PPP2R3C: variants seen among roughly 807,000 people sequenced by gnomAD.
PPP2R3C encodes the protein protein phosphatase 2 regulatory subunit B''gamma, also known as serine/threonine-protein phosphatase 2A regulatory subunit B'' subunit gamma.
Under a neutral mutation model 63.7 loss-of-function variants are expected in PPP2R3C, and 47 were observed. The observed-to-expected ratio is 0.74, with a 90% CI of 0.58 to 0.94. The LOEUF (loss-of-function observed/expected upper bound fraction) is 0.94. Among genes scored for constraint, PPP2R3C ranks in the 40% least tolerant of loss-of-function variants. The probability of loss-of-function intolerance (pLI) is 0.00; values close to 1 mark genes in which losing one functional copy is unlikely to be tolerated. For missense variants in PPP2R3C, 421 were observed against 518.4 expected (o/e 0.81, Z 1.82); for synonymous variants, 180 against 177.4 (o/e 1.01, Z -0.12).
intron 11 of PPP2R3C, among the ~76,000 whole-genome samples, chr14:35,089,815 G>A (rs541436979): frequency 9.0e-4 from 136 of 150,616 alleles, no homozygotes; most frequent in Admixed American, 1.3e-3. Context: ...ATAGGCGCCC[G>A]CCACCACGCC....
Position 35,085,668 on chromosome 14 carries a change from A to G in PPP2R3C, c.1284T>C (p.Asn428=), listed in dbSNP as rs1452365822. The change falls in exon 13 of 13, where the codon AAT becomes AAC. Residue 428 remains asparagine (N), a synonymous_variant. Transcript: ENST00000261475. ...DTVTTILIDL[N]GFWTYENREA... is the part of the protein sequence containing the mutation. ...CTCTGTTCTCGTAAGTCCAGAAGCCATTCAAATCGATTAGAATGGTGGTTA... is the reference window on the plus strand; with the variant it reads ...CTCTGTTCTCGTAAGTCCAGAAGCCGTTCAAATCGATTAGAATGGTGGTTA... The G allele has an allele frequency of 6.2e-7, 1 of 1,613,790 alleles. No homozygotes were observed. Among genetic ancestry groups the G allele is most frequent in the South Asian group, 1.1e-5 (1 of 91,072 alleles).
At chr14:35,092,202 G>C (rs937482072) in intron 10 of PPP2R3C, among the ~76,000 whole-genome samples, 141 of 152,188 alleles carry the variant, frequency 9.3e-4, no homozygotes, top group African/African-American at 3.3e-3. Flanking sequence ...CGAGGCAGCT[G>C]AGACTACAGG....
chr14:35,097,724 TTCA>T (rs2046044131), intron 7 of PPP2R3C, among the ~76,000 whole-genome samples: 1 of 152,150 alleles, frequency 6.6e-6, no homozygotes, highest in African/African-American at 2.4e-5. Flanking sequence ...CCTCAGATGA[TTCA>T]CCCATCTTAG....
chr14:35,087,667 TG>T (rs1478738894), intron 12 of PPP2R3C: 9 of 337,150 alleles, frequency 2.7e-5, no homozygotes, highest in African/African-American at 1.7e-4. Context: ...CCCAACGTGC[TG>T]GGATTACAAG....
At chr14:35,095,307 G>C (rs1039006485) in intron 9 of PPP2R3C, 123 bp from the exon 10 acceptor site, 1 of 965,694 alleles carries the variant, frequency 1.0e-6, no homozygotes, top group Non-Finnish European at 1.5e-6. Flanking sequence ...GTTATGATTA[G>C]GGTAGTGGCC....
At chr14:35,110,254 C>A in intron 3 of PPP2R3C, 1 of 449,194 alleles carries the variant, frequency 2.2e-6, no homozygotes, top group Non-Finnish European at 4.0e-6. Flanking sequence ...ATTTGAACCT[C>A]TGTAGTCTGA....
chr14:35,114,278 T>C (rs1566426179), intron 2 of PPP2R3C, among the ~76,000 whole-genome samples: 1 of 152,198 alleles, frequency 6.6e-6, no homozygotes. Flanking sequence ...GAGATCAACT[T>C]GTTTAGCCAT....
chr14:35,105,577 T>C (rs1297464141), intron 6 of PPP2R3C, among the ~76,000 whole-genome samples: 1 of 151,980 alleles, frequency 6.6e-6, no homozygotes, highest in Non-Finnish European at 1.5e-5. Context: ...ACACATGTCA[T>C]TTGTTAAAAA....
intron 7 of PPP2R3C, 99 bp from the exon 8 acceptor site, chr14:35,096,863 G>T: frequency 9.0e-7 from 1 of 1,113,772 alleles, no homozygotes; most frequent in Non-Finnish European, 1.2e-6. Flanking sequence ...TCACACAATT[G>T]ATATTTTAAA....
At chr14:35,099,885 G>A (rs566370330) in intron 6 of PPP2R3C, 179 of 154,114 alleles carry the variant, frequency 1.2e-3, no homozygotes, top group Non-Finnish European at 1.7e-3. Context: ...GACTACAGGC[G>A]CGCACCACCA....
At chr14:35,093,052 T>C (rs577360983) in intron 10 of PPP2R3C, among the ~76,000 whole-genome samples, 14 of 144,814 alleles carry the variant, frequency 9.7e-5, no homozygotes, top group Admixed American at 8.8e-4. Context: ...CTACTAAAAA[T>C]ACAAAAAAAA....
At chr14:35,087,862 T>G in intron 12 of PPP2R3C, 89 bp downstream of exon 12, 1 of 995,458 alleles carries the variant, frequency 1.0e-6, no homozygotes, top group Non-Finnish European at 1.6e-6. Context: ...AAATAGTACT[T>G]CATTAGTTGC....
intron 6 of PPP2R3C, chr14:35,099,618 T>A: frequency 2.5e-6 from 1 of 401,860 alleles, no homozygotes; most frequent in Non-Finnish European, 4.1e-6. Flanking sequence ...AGATATTGAT[T>A]AAAAAGCCTC....
At chr14:35,107,767 G>A in intron 5 of PPP2R3C, 1 of 359,686 alleles carries the variant, frequency 2.8e-6, no homozygotes, top group South Asian at 8.1e-5. Flanking sequence ...AGTCCAAGCT[G>A]TTTAATTGAT....
chr14:35,087,847 G>C (rs1392967329), intron 12 of PPP2R3C, 104 bp downstream of exon 12: 1 of 868,756 alleles, frequency 1.2e-6, no homozygotes, highest in Non-Finnish European at 1.9e-6. Flanking sequence ...GCAAACACTT[G>C]ATTCAAATAG....
chr14:35,085,849 C>A, intron 12 of PPP2R3C, 71 bp from the exon 13 acceptor site: 1 of 1,301,952 alleles, frequency 7.7e-7, no homozygotes, highest in South Asian at 1.5e-5. Flanking sequence ...ATCCAAAATT[C>A]AGGGCTGTTT....
intron 10 of PPP2R3C, among the ~76,000 whole-genome samples, chr14:35,093,535 C>G (rs1401474923): frequency 6.6e-6 from 1 of 151,968 alleles, no homozygotes; most frequent in Admixed American, 6.6e-5. Flanking sequence ...TTTGTTGTTA[C>G]TAATGGTGTT....
rs71121267 is a variant in PPP2R3C, at chr14:35,119,849, C to CTTTTTT, written c.58+2047_58+2052dup. Among the ~76,000 whole-genome samples the CTTTTTT allele has an allele frequency of 2.1e-3, 248 of 116,958 alleles. 5 individuals are homozygous for CTTTTTT. The highest frequency in any genetic ancestry group is 3.5e-3 in the African/African-American group (105 of 29,598). 76.7% of individuals were successfully genotyped at this position (116,958 alleles called of 152,430 possible). On this transcript the variant is annotated intron_variant, in intron 1 of 12. Coordinates refer to ENST00000261475, the MANE Select transcript of PPP2R3C (RefSeq NM_017917.4). ...TTAAATAGGAGCATGGACAGTTCATCTTTTTTTTTTTTTTTTTTTGAGACG... is the reference window on the plus strand; with the variant it reads ...TTAAATAGGAGCATGGACAGTTCATCTTTTTTTTTTTTTTTTTTTTTTTTTGAGACG...
chr14:35,111,776 G>T (rs1178092852), intron 2 of PPP2R3C, among the ~76,000 whole-genome samples: 1 of 152,068 alleles, frequency 6.6e-6, no homozygotes, highest in African/African-American at 2.4e-5. Flanking sequence ...GACTCAGCAC[G>T]CAAGGACCAG....
Sources: allele counts gnomAD v4.1 joint callset (sites outside exome capture counted in the v4.1 genomes callset), GRCh38; gene constraint gnomAD v4.1.1; transcripts MANE v1.5; gene names NCBI Gene and HGNC (gene_info 2026-07-23, HGNC 2026-07-21).